Variants in RIOK2 observed in about 807,000 individuals in gnomAD.
RIOK2 encodes serine/threonine-protein kinase RIO2.
Under a neutral mutation model 62.4 loss-of-function variants are expected in RIOK2, and 46 were observed. The observed-to-expected ratio is 0.74, with a 90% CI of 0.58 to 0.94. The LOEUF is 0.94. RIOK2 is among the 40% of genes least tolerant of loss of function. The pLI is 0.00. For missense variants in RIOK2, 574 were observed against 658.0 expected, an observed-to-expected ratio of 0.87 and a Z score of 1.40; for synonymous variants, 197 against 216.0, an observed-to-expected ratio of 0.91 and a Z score of 0.77.
At chr5:97,177,396 C>T in intron 3 of RIOK2, 105 bp from the exon 4 acceptor site, 1 of 1,131,830 alleles carries the variant, frequency 8.8e-7, no homozygotes, top group Non-Finnish European at 1.2e-6. Context: ...TGTCATTTTT[C>T]CTAATAAAGA....
In RIOK2 at chr5:97,177,222, G is replaced by C; in HGVS notation, c.392C>G (p.Ser131Trp). The stretch of plus-strand genomic sequence containing the variant: ...GCGTTTGTTTTTCAAATTTCGAAAC[G>C]AGGTTCTTCCTAGTCTGTGAAGCTT... ...ALKLHRLGRT[S>W]FRNLKNKRDY... The change falls in exon 4 of 10, where the codon TCG becomes TGG. Residue 131 changes from serine (S) to tryptophan (W), a missense_variant. Transcript: ENST00000283109. The C allele has an allele frequency of 6.2e-7, 1 of 1,613,584 alleles. No homozygotes were observed. Among genetic ancestry groups the C allele is most frequent in the Non-Finnish European group, 8.5e-7 (1 of 1,179,784 alleles).
chr5:97,177,877 T>A, intron 2 of RIOK2, 29 bp from the exon 3 acceptor site: 1 of 1,377,710 alleles, frequency 7.3e-7, no homozygotes, highest in Non-Finnish European at 1.0e-6. Context: ...ATAAAGACCA[T>A]ATTTCAGTTA....
intron 8 of RIOK2, among the ~76,000 whole-genome samples, 199 bp from the exon 9 acceptor site, chr5:97,165,346 G>C (rs574795388): frequency 6.6e-6 from 1 of 152,234 alleles, no homozygotes; most frequent in South Asian, 2.1e-4. Flanking sequence ...TCATTTTCCA[G>C]CATTTTGTTA....
chr5:97,172,430 A>G (rs184763643), intron 5 of RIOK2, among the ~76,000 whole-genome samples: 3 of 152,214 alleles, frequency 2.0e-5, no homozygotes, highest in Non-Finnish European at 2.9e-5. Context: ...TCCATATCCA[A>G]TCTCAAATCA....
At position 97,167,876 on chromosome 5, in the gene RIOK2, CT is replaced by C; in HGVS notation, c.987del (p.Glu330ArgfsTer30). 1.9e-6 allele frequency: 3 copies of C among 1,613,750 alleles called. No individual in the cohort carries two copies. Among genetic ancestry groups the C allele is most frequent in the Non-Finnish European group, 2.5e-6 (3 of 1,180,012 alleles). On this transcript the variant is annotated frameshift_variant, in exon 8 of 10. Transcript: ENST00000283109. LOFTEE classifies it high-confidence loss of function. The part of the protein sequence containing the change: ...LGPDDKNIET[K>X]EGSEFSFSDG... ...TCTGAAAATGAGAATTCAGATCCCT[CT>C]TTTGTTTCAATATTTTTATCATCTG...
chr5:97,173,187 T>C lies in RIOK2; in HGVS notation c.575A>G (p.Asn192Ser). The C allele has an allele frequency of 6.2e-7, 1 of 1,609,434 alleles. No homozygotes were observed. The highest frequency in any genetic ancestry group is 8.5e-7 in the Non-Finnish European group (1 of 1,176,388). ...NRHAVVMELINGYPLCQIHHV... is the reference protein window; with the variant it reads ...NRHAVVMELISGYPLCQIHHV... ...AATGAATACTTACAGTGGATAACCA[T>C]TTATGAGTTCCATGACCACTGCATG... The change falls in exon 5 of 10, where the codon AAT (asparagine) becomes AGT (serine). Residue 192 changes from asparagine (N) to serine (S), a missense_variant. By Grantham distance (46) the Asn-to-Ser change is conservative (BLOSUM62 1). Transcript: ENST00000283109.
chr5:97,180,016 A>AAT (rs1554083544), intron 1 of RIOK2, among the ~76,000 whole-genome samples: 16 of 44,134 alleles, frequency 3.6e-4, no homozygotes, highest in South Asian at 7.5e-4. Context: ...ATATATATAT[A>AAT]ATATATATAT....
intron 1 of RIOK2, chr5:97,182,689 A>T (rs1360713363): frequency 4.8e-5 from 11 of 227,836 alleles, no homozygotes; most frequent in Non-Finnish European, 8.0e-5. Flanking sequence ...TTGCTACTAA[A>T]AAACCGACAA....
chr5:97,180,043 ATATATTT>A, intron 1 of RIOK2, among the ~76,000 whole-genome samples: 2 of 71,408 alleles, frequency 2.8e-5, no homozygotes, highest in Non-Finnish European at 5.1e-5. Flanking sequence ...TATATTATAT[ATATATTT>A]TTAAATTTAT....
In RIOK2 at chr5:97,177,146, G is replaced by C; in HGVS notation, c.468C>G (p.Leu156=). The C allele has an allele frequency of 1.9e-6, 3 of 1,612,066 alleles. No individual in the cohort carries two copies. Among genetic ancestry groups the C allele is most frequent in the South Asian group, 2.2e-5 (2 of 90,842 alleles). ...HNVSWLYLSR[L]SAMKEFAYMK... is the part of the protein sequence containing the mutation. Reference sequence around the variant, plus strand: ...TATAGGCAAATTCCTTCATGGCAGAGAGACGAGATAAATATAGCCATGACA... The same window carrying C: ...TATAGGCAAATTCCTTCATGGCAGACAGACGAGATAAATATAGCCATGACA... Residue 156 remains leucine, a synonymous_variant, in exon 4 of 10, where the codon CTC becomes CTG. Coordinates refer to ENST00000283109, the MANE Select transcript of RIOK2 (RefSeq NM_018343.3).
chr5:97,180,922 G>C (rs1331391013), intron 1 of RIOK2, among the ~76,000 whole-genome samples: 1 of 151,922 alleles, frequency 6.6e-6, no homozygotes, highest in Non-Finnish European at 1.5e-5. Flanking sequence ...AAAAGAGAAA[G>C]GGGGTAGAAA....
chr5:97,169,529 G>C (rs545415798), intron 6 of RIOK2, among the ~76,000 whole-genome samples: 1 of 152,190 alleles, frequency 6.6e-6, no homozygotes, highest in East Asian at 1.9e-4. Flanking sequence ...TCCAGACAAG[G>C]GAGAATTAAG....
chr5:97,177,694 G>T, intron 3 of RIOK2, 38 bp downstream of exon 3: 1 of 1,244,048 alleles, frequency 8.0e-7, no homozygotes, highest in Non-Finnish European at 1.1e-6. Context: ...ATAAACTAAA[G>T]CAAAGAAAAT....
At position 97,167,843 on chromosome 5, in the gene RIOK2, C is replaced by A. The variant is rs1748889946; in HGVS notation, c.1021G>T (p.Val341Leu). 1 of 1,613,966 alleles carries A rather than the reference C, an allele frequency of 6.2e-7. No individual in the cohort carries two copies. Among genetic ancestry groups the A allele is most frequent in the African/African-American group, 1.3e-5 (1 of 75,058 alleles). The change falls in exon 8 of 10, where the codon GTG becomes TTG. Residue 341 changes from valine to leucine, a missense_variant. Physicochemically the swap from Val to Leu is conservative, Grantham distance 32. Coordinates refer to ENST00000283109, the MANE Select transcript of RIOK2 (RefSeq NM_018343.3). ...CCGTAAACCTCTGCTTTTTCTGCCA[C>A]TTCTCCATCTGAAAATGAGAATTCA... ...GSEFSFSDGE[V>L]AEKAEVYGSE...
intron 1 of RIOK2, among the ~76,000 whole-genome samples, chr5:97,180,148 A>ATATATGTATATATATG (rs1749359825): frequency 1.6e-5 from 2 of 126,664 alleles, no homozygotes; most frequent in Non-Finnish European, 3.3e-5. Flanking sequence ...ATATGTATAT[A>ATATATGTATATATATG]TATATATATA....
At chr5:97,180,253 G>A (rs1310681742) in intron 1 of RIOK2, among the ~76,000 whole-genome samples, 1 of 148,788 alleles carries the variant, frequency 6.7e-6, no homozygotes, top group African/African-American at 2.5e-5. Flanking sequence ...GAAGTGATAA[G>A]TGCTTAAAAA....
intron 1 of RIOK2, among the ~76,000 whole-genome samples, chr5:97,182,626 T>G (rs1329724831): frequency 6.6e-6 from 1 of 152,232 alleles, no homozygotes; most frequent in Non-Finnish European, 1.5e-5. Flanking sequence ...GTTTACTTGA[T>G]GATCTGTGTC....
At chr5:97,180,148 A>ATGTG (rs1307159849) in intron 1 of RIOK2, among the ~76,000 whole-genome samples, 3 of 126,664 alleles carry the variant, frequency 2.4e-5, no homozygotes, top group Admixed American at 8.8e-5. Flanking sequence ...ATATGTATAT[A>ATGTG]TATATATATA....
At chr5:97,172,397 A>C (rs758497591) in intron 5 of RIOK2, among the ~76,000 whole-genome samples, 16 of 152,194 alleles carry the variant, frequency 1.1e-4, no homozygotes, top group Non-Finnish European at 2.4e-4. Flanking sequence ...TGGTGTCACC[A>C]TTGACTCATC....
Sources: allele counts gnomAD v4.1 joint callset (sites outside exome capture counted in the v4.1 genomes callset), GRCh38; gene constraint gnomAD v4.1.1; transcripts MANE v1.5; gene names NCBI Gene and HGNC (gene_info 2026-07-23, HGNC 2026-07-21).